Variants in LRRFIP2 observed in about 807,000 individuals in gnomAD.
LRRFIP2 encodes leucine-rich repeat flightless-interacting protein 2.
Under a neutral mutation model 125.9 loss-of-function variants are expected in LRRFIP2, and 109 were observed. The observed-to-expected ratio is 0.87, with a 90% CI of 0.74 to 1.01. The LOEUF is 1.01. Among genes scored for constraint, LRRFIP2 ranks in the 50% least tolerant of loss-of-function variants. LRRFIP2 has a pLI of 0.00. For synonymous variants in LRRFIP2, 291 were observed against 293.1 expected (o/e 0.99, Z 0.07); for missense variants, 850 against 862.3 (o/e 0.99, Z 0.18).
At position 37,111,051 on chromosome 3, in the gene LRRFIP2, A is replaced by C. The variant is rs762611510; in HGVS notation, c.453T>G (p.Phe151Leu). ...TAAGACTGCTATAGTTTCTCTGGTC[A>C]AAGTAGAGGCCACTCTGCAAAAAGC... ...SHKDLLSGLY[F>L]DQRNYSSLRH... The change falls in exon 9 of 28, where the codon TTT becomes TTG. Residue 151 changes from phenylalanine to leucine, a missense_variant. Coordinates refer to ENST00000336686, the MANE Select transcript of LRRFIP2 (RefSeq NM_006309.4). 1.2e-6 allele frequency: 2 copies of C among 1,613,620 alleles called. No individual in the cohort carries two copies. The highest frequency in any genetic ancestry group is 1.7e-6 in the Non-Finnish European group (2 of 1,179,804).
chr3:37,119,944 G>C (rs981548217), intron 6 of LRRFIP2, among the ~76,000 whole-genome samples: 1 of 152,028 alleles, frequency 6.6e-6, no homozygotes, highest in African/African-American at 2.4e-5. Context: ...TTACAGATGT[G>C]AGCCACCGCT....
intron 4 of LRRFIP2, among the ~76,000 whole-genome samples, chr3:37,127,400 T>C (rs550954762): frequency 3.3e-5 from 5 of 152,248 alleles, no homozygotes; most frequent in Non-Finnish European, 7.4e-5. Context: ...TTCTCACTCT[T>C]TCTTGATCAG....
intron 2 of LRRFIP2, among the ~76,000 whole-genome samples, chr3:37,134,198 A>T (rs2095500249): frequency 1.3e-5 from 2 of 149,218 alleles, no homozygotes; most frequent in South Asian, 2.1e-4. Flanking sequence ...AAAAAAAAAA[A>T]GACAGTGAAA....
intron 2 of LRRFIP2, chr3:37,143,658 TG>T (rs1293207318): frequency 1.6e-4 from 29 of 177,006 alleles, no homozygotes; most frequent in African/African-American, 6.5e-4. Flanking sequence ...AATGATCTCG[TG>T]GGAGCCCAGC....
At chr3:37,054,004 AACAT>A (rs2086082159) in intron 27 of LRRFIP2, 43 bp from the exon 28 acceptor site, 1 of 1,116,228 alleles carries the variant, frequency 9.0e-7, no homozygotes, top group Non-Finnish European at 1.4e-6. Context: ...GGTCAGAAAC[AACAT>A]CCAGTGCTAC....
chr3:37,110,744 CT>C (rs1324464361), intron 9 of LRRFIP2, among the ~76,000 whole-genome samples: 1 of 151,942 alleles, frequency 6.6e-6, no homozygotes, highest in Non-Finnish European at 1.5e-5. Flanking sequence ...ATTCCTTGAA[CT>C]TTTTTTGTAC....
At chr3:37,059,585 G>A (rs192113344) in intron 24 of LRRFIP2, among the ~76,000 whole-genome samples, 12 of 152,066 alleles carry the variant, frequency 7.9e-5, no homozygotes, top group Non-Finnish European at 1.0e-4. Flanking sequence ...TCAAGAGATC[G>A]AGGCCATCCT....
intron 1 of LRRFIP2, among the ~76,000 whole-genome samples, chr3:37,165,162 G>C (rs2096447215): frequency 6.6e-6 from 1 of 151,682 alleles, no homozygotes. Context: ...GTGAACCTGG[G>C]AGGCGGAGCT....
At chr3:37,166,180 A>G (rs1329792668) in intron 1 of LRRFIP2, among the ~76,000 whole-genome samples, 1 of 152,054 alleles carries the variant, frequency 6.6e-6, no homozygotes, top group Non-Finnish European at 1.5e-5. Context: ...AAATACAAAA[A>G]TTAGCCAGGC....
chr3:37,108,188 G>GGT, intron 12 of LRRFIP2, 59 bp from the exon 13 acceptor site: 1 of 1,324,412 alleles, frequency 7.6e-7, no homozygotes, highest in Non-Finnish European at 1.1e-6. Context: ...ATTCTAATGA[G>GGT]AATACATTAG....
chr3:37,078,553 A>G (rs1044870977), intron 19 of LRRFIP2, among the ~76,000 whole-genome samples: 16 of 152,234 alleles, frequency 1.1e-4, no homozygotes, highest in African/African-American at 3.4e-4. Context: ...AAATAACCCT[A>G]GAGTCCTGCA....
In LRRFIP2 at chr3:37,120,368, G is replaced by A. The variant is rs576523109; in HGVS notation, c.330+1124C>T. Among the ~76,000 whole-genome samples, 13 of 152,110 alleles carry A rather than the reference G, an allele frequency of 8.5e-5. No individual in the cohort carries two copies. The South Asian group carries it at 1.0e-3, about 12-fold the overall frequency. On this transcript the variant is annotated intron_variant, in intron 6 of 27. Transcript: ENST00000336686. Reference sequence around the variant, plus strand: ...GATCCACCCGCCTTGGCCTCCCAACGTGCTGGGATTACAGGTGTGAGCCAC... The same window carrying A: ...GATCCACCCGCCTTGGCCTCCCAACATGCTGGGATTACAGGTGTGAGCCAC...
Position 37,146,511 on chromosome 3 carries a change from T to G in LRRFIP2, c.90+2383A>C, listed in dbSNP as rs549958525. Among the ~76,000 whole-genome samples, 14 of 152,342 alleles carry G rather than the reference T, an allele frequency of 9.2e-5. No individual in the cohort carries two copies. The East Asian group carries it at 2.3e-3, about 25-fold the overall frequency. ...CCCCAGTGTGTGTTGTTCCTCTTCC[T>G]GTGTCCATGTGTTCTCATTGTTCAG... On this transcript the variant is annotated intron_variant, in intron 2 of 27. Coordinates refer to ENST00000336686, the MANE Select transcript of LRRFIP2 (RefSeq NM_006309.4).
chr3:37,134,181 CAAAAAA>C (rs35540438), intron 2 of LRRFIP2, among the ~76,000 whole-genome samples: 1 of 110,666 alleles, frequency 9.0e-6, no homozygotes. Flanking sequence ...GACTCTGTCT[CAAAAAA>C]AAAAAAAAAA....
chr3:37,070,314 A>G (rs969657230), intron 21 of LRRFIP2, among the ~76,000 whole-genome samples: 1 of 151,720 alleles, frequency 6.6e-6, no homozygotes, highest in Non-Finnish European at 1.5e-5. Context: ...GCGTTTTACC[A>G]TGTTGGTCAG....
At chr3:37,108,779 T>C in intron 11 of LRRFIP2, 95 bp from the exon 12 acceptor site, 4 of 1,015,488 alleles carry the variant, frequency 3.9e-6, no homozygotes, top group Admixed American at 1.9e-5. Flanking sequence ...CAAAAAAGTT[T>C]TGGAGAATGA....
At chr3:37,141,175 A>G (rs1002499308) in intron 2 of LRRFIP2, among the ~76,000 whole-genome samples, 1 of 152,164 alleles carries the variant, frequency 6.6e-6, no homozygotes, top group Non-Finnish European at 1.5e-5. Context: ...AAACTATAAC[A>G]GCTTCCTGTT....
intron 8 of LRRFIP2, among the ~76,000 whole-genome samples, chr3:37,112,317 A>T (rs1335427376): frequency 6.6e-6 from 1 of 150,546 alleles, no homozygotes; most frequent in African/African-American, 2.5e-5. Context: ...CCTGGGAGAC[A>T]GAGCGAGACT....
At chr3:37,102,193 A>G (rs1434076198) in intron 15 of LRRFIP2, among the ~76,000 whole-genome samples, 2 of 152,232 alleles carry the variant, frequency 1.3e-5, no homozygotes, top group African/African-American at 4.8e-5. Flanking sequence ...TTATTTCATT[A>G]GTGATGATAA....
Sources: gnomAD v4.1 joint callset for allele counts (sites outside exome capture counted in the v4.1 genomes callset) on GRCh38, gnomAD v4.1.1 for gene constraint, MANE v1.5 for transcripts, NCBI Gene and HGNC (gene_info 2026-07-23, HGNC 2026-07-21) for gene names.